SLC26A9: variants seen among roughly 807,000 people sequenced by gnomAD.
SLC26A9 encodes anion transporter/exchanger protein 9.
SLC26A9 carries 46 observed loss-of-function variants against 87.1 expected under a neutral mutation model. That is an observed-to-expected ratio of 0.53 (90% CI 0.42 to 0.67). SLC26A9 has a LOEUF of 0.67. Among genes scored for constraint, SLC26A9 ranks in the 30% least tolerant of loss-of-function variants. The pLI is 0.00. For missense variants in SLC26A9, 927 were observed against 1,018.3 expected (o/e 0.91, Z 1.22); for synonymous variants, 437 against 409.1 (o/e 1.07, Z -0.82).
intron 2 of SLC26A9, among the ~76,000 whole-genome samples, 168 bp from the exon 3 acceptor site, chr1:205,933,252 C>T (rs1375577280): frequency 6.6e-6 from 1 of 152,202 alleles, no homozygotes; most frequent in Non-Finnish European, 1.5e-5. Context: ...TTCTTGAGAG[C>T]TCATCAACTT....
intron 12 of SLC26A9, 135 bp downstream of exon 12, chr1:205,926,400 T>C: frequency 1.3e-6 from 1 of 748,772 alleles, no homozygotes; most frequent in Non-Finnish European, 2.3e-6. Flanking sequence ...AAACTCGGAC[T>C]TTTAACCACT....
chr1:205,929,796 T>G, intron 6 of SLC26A9, 96 bp downstream of exon 6: 1 of 1,414,350 alleles, frequency 7.1e-7, no homozygotes, highest in Non-Finnish European at 9.4e-7. Context: ...AGCCAGCCCT[T>G]GCAATGAGGA....
At chr1:205,928,731 A>G in intron 8 of SLC26A9, 96 bp downstream of exon 8, 1 of 1,161,054 alleles carries the variant, frequency 8.6e-7, no homozygotes, top group Non-Finnish European at 1.3e-6. Context: ...TTTCGACTGC[A>G]CTTTCATAGA....
At chr1:205,927,862 A>ACCTGTCCTGC in intron 9 of SLC26A9, 40 bp downstream of exon 9, 1 of 1,600,994 alleles carries the variant, frequency 6.2e-7, no homozygotes, top group Non-Finnish European at 8.5e-7. Flanking sequence ...GCCTGAGTTG[A>ACCTGTCCTGC]CCTGTCCTGC....
intron 4 of SLC26A9, 28 bp from the exon 5 acceptor site, chr1:205,932,063 A>C: frequency 6.2e-7 from 1 of 1,612,452 alleles, no homozygotes; most frequent in Non-Finnish European, 8.5e-7. Flanking sequence ...GCCAGCAAAA[A>C]TCAGAGGTTT....
intron 17 of SLC26A9, among the ~76,000 whole-genome samples, chr1:205,921,215 G>C (rs1430594406): frequency 1.3e-5 from 2 of 152,218 alleles, no homozygotes; most frequent in Non-Finnish European, 2.9e-5. Flanking sequence ...GACAAGGGCA[G>C]CAGATCATGA....
chr1:205,931,559 C>T (rs1294897032), intron 5 of SLC26A9, among the ~76,000 whole-genome samples: 15 of 148,992 alleles, frequency 1.0e-4, no homozygotes, highest in African/African-American at 2.7e-4. Flanking sequence ...CTCTGCCTCC[C>T]GGATTCAAGT....
rs548056740 is a variant in SLC26A9 at position 205,932,223 on chromosome 1, C to G, written c.377-188G>C. ...CTATGCTTTTCAAGGTGCTTTTACC[C>G]CAATGGTCAATATTGTCATACAGGA... On this transcript the variant is annotated intron_variant, in intron 4 of 20. Coordinates refer to ENST00000367135, the MANE Select transcript of SLC26A9 (RefSeq NM_052934.4). 2.0e-5 allele frequency among the ~76,000 whole-genome samples: 3 copies of G among 152,286 alleles called. No homozygotes were observed. In the East Asian group the frequency reaches 5.8e-4, roughly 29 times the overall value.
chr1:205,921,682 C>A lies in SLC26A9; in HGVS notation c.1939G>T (p.Gly647Cys). 6.3e-7 allele frequency: 1 copy of A among 1,597,396 alleles called. No homozygotes were observed. The highest frequency in any genetic ancestry group is 1.1e-5 in the South Asian group (1 of 88,672). The change falls in exon 17 of 21, where the codon GGC becomes TGC. Residue 647 changes from glycine (G) to cysteine (C), a missense_variant. By Grantham distance (159) the Gly-to-Cys change is radical (BLOSUM62 -3). Transcript: ENST00000367135. ...CTGGCCAGCATGTCACTGGGCTCGCCGGGGGCCTCAGCGGAGGCTGGTGGC... is the reference window on the plus strand; with the variant it reads ...CTGGCCAGCATGTCACTGGGCTCGCAGGGGGCCTCAGCGGAGGCTGGTGGC... ...SEPPASAEAPGEPSDMLASVP... is the reference protein window; with the variant it reads ...SEPPASAEAPCEPSDMLASVP...
chr1:205,915,947 C>T (rs1356077598), intron 20 of SLC26A9, among the ~76,000 whole-genome samples: 1 of 152,130 alleles, frequency 6.6e-6, no homozygotes, highest in Non-Finnish European at 1.5e-5. Flanking sequence ...TGGGAAGAGG[C>T]ACAAAGAGAG....
chr1:205,935,949 G>GC, intron 1 of SLC26A9, 111 bp from the exon 2 acceptor site: 1 of 1,298,350 alleles, frequency 7.7e-7, no homozygotes, highest in Non-Finnish European at 1.0e-6. Flanking sequence ...GGCCTTCCCC[G>GC]CCCCGATAAA....
rs751262902 is a variant in SLC26A9 at position 205,930,716 on chromosome 1, C to A, written c.553-660G>T. Among the ~76,000 whole-genome samples the A allele has an allele frequency of 3.1e-4, 47 of 152,202 alleles. 1 individual carries two copies. Among genetic ancestry groups the A allele is most frequent in the Non-Finnish European group, 4.3e-4 (29 of 68,038 alleles). On this transcript the variant is annotated intron_variant, in intron 5 of 20. Transcript: ENST00000367135. Reference sequence around the variant, plus strand: ...CCCTCCAGCCACACCAAGCCCCTTACTTTGCCTGCGCAGATCACACTCTCT... The same window carrying A: ...CCCTCCAGCCACACCAAGCCCCTTAATTTGCCTGCGCAGATCACACTCTCT...
intron 1 of SLC26A9, among the ~76,000 whole-genome samples, chr1:205,942,095 G>C (rs901401737): frequency 3.3e-5 from 5 of 152,216 alleles, no homozygotes; most frequent in Non-Finnish European, 7.3e-5. Context: ...CAGTCTGGCT[G>C]TTTAGTACGG....
At chr1:205,924,307 C>G in intron 13 of SLC26A9, 76 bp downstream of exon 13, 1 of 1,388,822 alleles carries the variant, frequency 7.2e-7, no homozygotes. Context: ...CTAAGCCAGG[C>G]CGTGGCATGG....
chr1:205,916,184 C>T (rs1242816735), intron 20 of SLC26A9, among the ~76,000 whole-genome samples: 1 of 152,180 alleles, frequency 6.6e-6, no homozygotes, highest in Non-Finnish European at 1.5e-5. Flanking sequence ...GCAACATCTG[C>T]CTCCCAGGTT....
At chr1:205,929,700 G>T (rs11240595) in intron 6 of SLC26A9, among the ~76,000 whole-genome samples, 192 bp downstream of exon 6, 21,332 of 152,166 alleles carry the variant, frequency 0.14, 2,369 homozygotes, top group East Asian at 0.64. Flanking sequence ...TTTCTGCAGG[G>T]ATTAACTACC....
intron 20 of SLC26A9, 125 bp from the exon 21 acceptor site, chr1:205,915,529 TG>T: frequency 8.6e-7 from 1 of 1,161,138 alleles, no homozygotes; most frequent in Non-Finnish European, 1.2e-6. Flanking sequence ...TGTGTGTGTG[TG>T]TGTGTGTGTG....
rs760498151 is a variant in SLC26A9, at chr1:205,928,829, G to A, written c.951C>T (p.Arg317=). 156 of 1,614,104 alleles carry A rather than the reference G, an allele frequency of 9.7e-5. No individual in the cohort carries two copies. The highest frequency in any genetic ancestry group is 8.2e-4 in the Middle Eastern group (5 of 6,062). The part of the protein sequence containing the change: ...YHMQIVGEIQ[R]GFPTPVSPVV... ...GCTTCTGGGCCACCTGGACTCACCCGCGTTGGATTTCTCCCACGATCTGCA... is the reference window on the plus strand; with the variant it reads ...GCTTCTGGGCCACCTGGACTCACCCACGTTGGATTTCTCCCACGATCTGCA... The change falls in exon 8 of 21, where the codon CGC becomes CGT. Residue 317 remains arginine (R), a splice_region_variant and synonymous_variant. Coordinates refer to ENST00000367135, the MANE Select transcript of SLC26A9 (RefSeq NM_052934.4).
intron 9 of SLC26A9, 61 bp downstream of exon 9, chr1:205,927,841 T>C: frequency 6.3e-7 from 1 of 1,580,524 alleles, no homozygotes; most frequent in Non-Finnish European, 8.6e-7. Context: ...ACCCAAGATA[T>C]GTCATGCCAG....
Sources: allele counts gnomAD v4.1 joint callset (sites outside exome capture counted in the v4.1 genomes callset), GRCh38; gene constraint gnomAD v4.1.1; transcripts MANE v1.5; gene names NCBI Gene and HGNC (gene_info 2026-07-23, HGNC 2026-07-21).